The following SDK1 variants were observed in gnomAD, a reference collection of about 807,000 sequenced individuals.
The protein encoded by SDK1 is sidekick cell adhesion molecule 1.
Under a neutral mutation model 245.5 loss-of-function variants are expected in SDK1, and 157 were observed. The ratio of observed to expected loss-of-function variants is 0.64; its 90% CI spans 0.56 to 0.73. SDK1 has a LOEUF of 0.73. Ranked by LOEUF, SDK1 falls within the 30% of genes least tolerant of loss-of-function variation. The pLI is 0.00. For synonymous variants in SDK1, 1,647 were observed against 1,278.5 expected, an observed-to-expected ratio of 1.29 and a Z score of -6.15; for missense variants, 3,583 against 3,002.3, an observed-to-expected ratio of 1.19 and a Z score of -4.52.
At chr7:3,769,591 A>G (rs1780348641) in intron 4 of SDK1, among the ~76,000 whole-genome samples, 1 of 152,170 alleles carries the variant, frequency 6.6e-6, no homozygotes, top group Admixed American at 6.5e-5. Flanking sequence ...CGGAGGGGGC[A>G]CATATTCAAG....
At position 3,934,270 on chromosome 7, in the gene SDK1, C is replaced by G. The variant is rs913651566; in HGVS notation, c.848-16653C>G. 9.9e-5 allele frequency among the ~76,000 whole-genome samples: 15 copies of G among 152,216 alleles called. 1 individual carries two copies. The highest frequency in any genetic ancestry group is 9.2e-4 in the Admixed American group (14 of 15,278). The stretch of plus-strand genomic sequence containing the variant: ...TGTGACCCCCTTCCCTCTTATTTAT[C>G]TCCTTTTTTCTTTCTCTCCTGTGTT... On this transcript the variant is annotated intron_variant, in intron 5 of 44. Transcript: ENST00000404826.
chr7:4,108,474 A>G (rs1448660463), intron 22 of SDK1, among the ~76,000 whole-genome samples: 2 of 151,978 alleles, frequency 1.3e-5, no homozygotes, highest in Non-Finnish European at 2.9e-5. Flanking sequence ...AGTGCTGAGA[A>G]CTGGCTCACT....
rs1256941432 is a variant in SDK1 at position 3,301,602 on chromosome 7, C to T, written c.16C>T (p.Arg6Trp). 54 of 973,228 alleles carry T rather than the reference C, an allele frequency of 5.5e-5. No individual in the cohort carries two copies. In the South Asian group the frequency reaches 1.9e-3, roughly 34 times the overall value. The allele number at this position is 973,228 out of a possible 1,614,324, so 60.3% of individuals were successfully genotyped here. A position where few individuals can be genotyped will look rare whatever the true frequency, so the allele number is the denominator to read the frequency against. Reference protein sequence around the residue: MARGARPSAAGGGGGG... With the variant: MARGAWPSAAGGGGGG... The stretch of plus-strand genomic sequence containing the variant: ...GCTGCTCGGCATGGCCCGGGGCGCC[C>T]GGCCCTCGGCGGCCGGTGGCGGCGG... Residue 6 changes from arginine (R) to tryptophan (W), a missense_variant, in exon 1 of 45, where the codon CGG becomes TGG. By Grantham distance (101) the Arg-to-Trp change is moderately radical (BLOSUM62 -3). Transcript: ENST00000404826.
At chr7:4,056,649 C>T (rs1251915638) in intron 19 of SDK1, among the ~76,000 whole-genome samples, 1 of 152,108 alleles carries the variant, frequency 6.6e-6, no homozygotes, top group Non-Finnish European at 1.5e-5. Flanking sequence ...CCTCAAAACT[C>T]ACAGGCCCAA....
chr7:4,107,347 G>A (rs1400616824), intron 22 of SDK1, among the ~76,000 whole-genome samples: 5 of 152,078 alleles, frequency 3.3e-5, no homozygotes, highest in South Asian at 2.1e-4. Flanking sequence ...AGCGCCCACC[G>A]GTCACTTGGC....
At chr7:3,627,920 CTTTCCCA>C (rs1782170448) in intron 2 of SDK1, among the ~76,000 whole-genome samples, 1 of 152,178 alleles carries the variant, frequency 6.6e-6, no homozygotes, top group Non-Finnish European at 1.5e-5. Context: ...TCCCAGGCCT[CTTTCCCA>C]TCAGCCAAGC....
chr7:3,796,437 G>A (rs986258863), intron 4 of SDK1, among the ~76,000 whole-genome samples: 2 of 152,168 alleles, frequency 1.3e-5, no homozygotes, highest in African/African-American at 4.8e-5. Flanking sequence ...TTTGCTGGAC[G>A]CAGAGCTCCT....
At chr7:3,419,239 T>C (rs1405824931) in intron 1 of SDK1, among the ~76,000 whole-genome samples, 2 of 152,238 alleles carry the variant, frequency 1.3e-5, no homozygotes, top group East Asian at 3.8e-4. Flanking sequence ...TTAAGGACTT[T>C]GCCCGAAGTG....
At position 3,821,665 on chromosome 7, in the gene SDK1, T is replaced by A. The variant is rs1019330525; in HGVS notation, c.847+82T>A. On this transcript the variant is annotated intron_variant, in intron 5 of 44. Transcript: ENST00000404826. ...AGTAACCACTGTCTGACAGGACATT[T>A]TGCAATAAATTTTCTCTCTCTAGTG... 6.8e-6 allele frequency: 10 copies of A among 1,470,132 alleles called. No homozygotes were observed. In the South Asian group the frequency reaches 1.2e-4, roughly 17 times the overall value. The allele number at this position is 1,470,132 out of a possible 1,614,324, so 91.1% of individuals were successfully genotyped here. A position where few individuals can be genotyped will look rare whatever the true frequency, so the allele number is the denominator to read the frequency against.
intron 5 of SDK1, among the ~76,000 whole-genome samples, chr7:3,876,650 T>C (rs558381174): frequency 6.6e-6 from 1 of 152,362 alleles, no homozygotes; most frequent in African/African-American, 2.4e-5. Flanking sequence ...AAACCTAAAA[T>C]ACAATACTAT....
chr7:3,694,488 G>T (rs1784519032), intron 4 of SDK1, among the ~76,000 whole-genome samples: 1 of 152,158 alleles, frequency 6.6e-6, no homozygotes, highest in Non-Finnish European at 1.5e-5. Context: ...ATGGATTCCA[G>T]GTAGTGAAAT....
intron 1 of SDK1, among the ~76,000 whole-genome samples, chr7:3,407,367 A>G (rs1181495071): frequency 6.6e-6 from 1 of 152,194 alleles, no homozygotes; most frequent in Non-Finnish European, 1.5e-5. Flanking sequence ...CCTTCATGGC[A>G]TTTGCATCCT....
chr7:3,773,443 T>G (rs1780459228), intron 4 of SDK1, among the ~76,000 whole-genome samples: 1 of 152,174 alleles, frequency 6.6e-6, no homozygotes, highest in Non-Finnish European at 1.5e-5. Flanking sequence ...CGTTGTTTTC[T>G]TGGCTTTCTC....
chr7:4,179,976 C>G (rs1782494845), intron 35 of SDK1, among the ~76,000 whole-genome samples: 1 of 151,976 alleles, frequency 6.6e-6, no homozygotes, highest in South Asian at 2.1e-4. Flanking sequence ...CTGCCTGCGC[C>G]TGGGCATAGG....
chr7:3,669,575 C>G (rs1783633153), intron 4 of SDK1, among the ~76,000 whole-genome samples: 1 of 152,156 alleles, frequency 6.6e-6, no homozygotes, highest in Non-Finnish European at 1.5e-5. Flanking sequence ...TCTTAGACCT[C>G]TTTGCCAACT....
chr7:4,109,349 C>T (rs1224070435), intron 22 of SDK1, among the ~76,000 whole-genome samples: 3 of 152,242 alleles, frequency 2.0e-5, no homozygotes, highest in South Asian at 2.1e-4. Flanking sequence ...CCTCTGCATC[C>T]GTGTCGCCAG....
intron 14 of SDK1, among the ~76,000 whole-genome samples, chr7:4,004,402 C>T (rs1326018349): frequency 6.6e-6 from 1 of 152,218 alleles, no homozygotes; most frequent in East Asian, 1.9e-4. Context: ...TTAACTGTAA[C>T]CTGGGGGAAC....
intron 1 of SDK1, among the ~76,000 whole-genome samples, chr7:3,350,913 A>G (rs1008796129): frequency 1.3e-5 from 2 of 152,320 alleles, no homozygotes; most frequent in South Asian, 2.1e-4. Flanking sequence ...TAACTGGTTT[A>G]TATTTTGAGC....
intron 16 of SDK1, 80 bp downstream of exon 16, chr7:4,012,315 GT>G: frequency 7.3e-7 from 1 of 1,372,894 alleles, no homozygotes; most frequent in South Asian, 1.8e-5. Flanking sequence ...AAACTCTAAT[GT>G]CTGTAAGAGC....
Sources: allele counts gnomAD v4.1 joint callset (sites outside exome capture counted in the v4.1 genomes callset), GRCh38; gene constraint gnomAD v4.1.1; transcripts MANE v1.5; gene names NCBI Gene and HGNC (gene_info 2026-07-23, HGNC 2026-07-21).